Variants in FOXR1 observed in about 807,000 individuals in gnomAD.
FOXR1 encodes forkhead box R1.
A neutral mutation model predicts 34.5 loss-of-function variants in FOXR1; 25 were observed. The ratio of observed to expected loss-of-function variants is 0.72; its 90% CI spans 0.53 to 1.01. The LOEUF is 1.01. Ranked by LOEUF, FOXR1 falls within the 50% of genes least tolerant of loss-of-function variation. FOXR1 has a pLI of 0.00. For synonymous variants in FOXR1, 153 were observed against 141.6 expected, an observed-to-expected ratio of 1.08 and a Z score of -0.57; for missense variants, 373 against 376.2, an observed-to-expected ratio of 0.99 and a Z score of 0.07.
At chr11:118,976,302 C>T (rs535307512) in intron 1 of FOXR1, among the ~76,000 whole-genome samples, 1 of 152,374 alleles carries the variant, frequency 6.6e-6, no homozygotes, top group East Asian at 1.9e-4. Context: ...TCAAGCCATC[C>T]TCCCACTTCA....
At chr11:118,974,683 G>A (rs775677819) in intron 1 of FOXR1, among the ~76,000 whole-genome samples, 4 of 152,206 alleles carry the variant, frequency 2.6e-5, no homozygotes, top group Non-Finnish European at 5.9e-5. Flanking sequence ...CTGTTGTGTT[G>A]AGAGTAGACT....
chr11:118,973,770 TG>T (rs1941745470), intron 1 of FOXR1, among the ~76,000 whole-genome samples: 1 of 147,286 alleles, frequency 6.8e-6, no homozygotes, highest in Non-Finnish European at 1.5e-5. Flanking sequence ...CTCAGTTCAC[TG>T]CACCCTCTGC....
chr11:118,979,579 C>G lies in FOXR1; in HGVS notation c.522C>G (p.Pro174=). 6.2e-7 allele frequency: 1 copy of G among 1,612,912 alleles called. No homozygotes were observed. The highest frequency in any genetic ancestry group is 8.5e-7 in the Non-Finnish European group (1 of 1,179,492). Residue 174 remains proline (P), a synonymous_variant, in exon 4 of 6, where the codon CCC becomes CCG. Transcript: ENST00000317011. ...SSQAGRLWSR[P]PLNYFHLIAL... is the part of the protein sequence containing the mutation. ...AGGCGGGGAGGCTCTGGTCCCGGCC[C>G]CCTCTCAATTACTTCCACCTAATTG... is the stretch of plus-strand genomic sequence containing the variant.
chr11:118,979,477 C>T lies in FOXR1; in HGVS notation c.420C>T (p.Asp140=), dbSNP rs1565647081. The T allele has an allele frequency of 1.2e-6, 2 of 1,611,682 alleles. No individual in the cohort carries two copies. Among genetic ancestry groups the T allele is most frequent in the Admixed American group, 1.7e-5 (1 of 59,712 alleles). The part of the protein sequence containing the change: ...TEEEEAEDQE[D]SSSMALPSPH... ...AGGAGGAGGCTGAGGACCAGGAAGA[C>T]AGCTCCTCTATGGCTCTCCCATCCC... is the stretch of plus-strand genomic sequence containing the variant. The change falls in exon 4 of 6, where the codon GAC becomes GAT. Residue 140 remains aspartate (D), a synonymous_variant. Coordinates refer to ENST00000317011, the MANE Select transcript of FOXR1 (RefSeq NM_181721.3).
At chr11:118,976,914 C>T (rs938551940) in intron 1 of FOXR1, among the ~76,000 whole-genome samples, 8 of 151,992 alleles carry the variant, frequency 5.3e-5, no homozygotes, top group African/African-American at 1.7e-4. Flanking sequence ...TTGTGTTGAC[C>T]TTTTACATAT....
intron 5 of FOXR1, 66 bp from the exon 6 acceptor site, chr11:118,981,142 G>A: frequency 6.6e-7 from 1 of 1,507,674 alleles, no homozygotes; most frequent in Non-Finnish European, 9.2e-7. Flanking sequence ...CTATGAGAGA[G>A]CATCCCAGGC....
chr11:118,979,332 G>A, intron 3 of FOXR1, 110 bp from the exon 4 acceptor site: 2 of 1,492,788 alleles, frequency 1.3e-6, no homozygotes, highest in South Asian at 2.8e-5. Flanking sequence ...TACATGCTTG[G>A]GTTGGGGAGA....
At chr11:118,979,373 C>A (rs1215697612) in intron 3 of FOXR1, 69 bp from the exon 4 acceptor site, 4 of 1,487,888 alleles carry the variant, frequency 2.7e-6, no homozygotes, top group African/African-American at 1.4e-5. Context: ...ACCACCCCCC[C>A]TTCCTGCCAC....
At chr11:118,979,922 C>T (rs568817255) in intron 4 of FOXR1, among the ~76,000 whole-genome samples, 2 of 151,926 alleles carry the variant, frequency 1.3e-5, no homozygotes, top group Non-Finnish European at 2.9e-5. Flanking sequence ...TTAAAACATA[C>T]ATTCACTTGG....
intron 1 of FOXR1, among the ~76,000 whole-genome samples, chr11:118,976,179 G>A (rs918783922): frequency 1.3e-5 from 2 of 151,578 alleles, no homozygotes; most frequent in African/African-American, 4.8e-5. Context: ...CTGGAGAAGA[G>A]TTCAATAAAT....
intron 1 of FOXR1, among the ~76,000 whole-genome samples, chr11:118,972,710 C>T (rs1941729186): frequency 1.3e-5 from 2 of 151,986 alleles, no homozygotes; most frequent in South Asian, 4.1e-4. Flanking sequence ...GCAACCTCCG[C>T]CTCCCGGGTT....
rs201368886 is a variant in FOXR1, at chr11:118,980,747, C to A, written c.850+19C>A. ...CAGCCAGGTGTGAAGACTTGTTGTGCGTGGGCCCAAGGGGAAGAGACCTGA... is the reference window on the plus strand; with the variant it reads ...CAGCCAGGTGTGAAGACTTGTTGTGAGTGGGCCCAAGGGGAAGAGACCTGA... On this transcript the variant is annotated intron_variant, in intron 5 of 5. Transcript: ENST00000317011. The A allele has an allele frequency of 1.2e-6, 2 of 1,600,480 alleles. No individual in the cohort carries two copies. The highest frequency in any genetic ancestry group is 1.7e-6 in the Non-Finnish European group (2 of 1,174,324).
At chr11:118,976,504 C>G (rs2134482546) in intron 1 of FOXR1, among the ~76,000 whole-genome samples, 1 of 152,298 alleles carries the variant, frequency 6.6e-6, no homozygotes, top group South Asian at 2.1e-4. Context: ...ACCTGGCCAG[C>G]AGCCAAGATT....
chr11:118,976,393 G>T (rs974390648), intron 1 of FOXR1, among the ~76,000 whole-genome samples: 2 of 152,140 alleles, frequency 1.3e-5, no homozygotes, highest in South Asian at 4.1e-4. Context: ...ATAGAGATGG[G>T]GTTTCACCAT....
At position 118,980,585 on chromosome 11, in the gene FOXR1, T is replaced by TCAGCATGCAGGGCGGGGC. The variant is rs781984023; in HGVS notation, c.713_730dup (p.Met238_Ser243dup). The TCAGCATGCAGGGCGGGGC allele has an allele frequency of 6.2e-7, 1 of 1,614,244 alleles. No individual in the cohort carries two copies. The highest frequency in any genetic ancestry group is 1.7e-5 in the Admixed American group (1 of 60,022). On this transcript the variant is annotated inframe_insertion, in exon 5 of 6. Coordinates refer to ENST00000317011, the MANE Select transcript of FOXR1 (RefSeq NM_181721.3). ...CGAGACAGCTTTGAGAAAGTGCCTG[T>TCAGCATGCAGGGCGGGGC]CAGCATGCAGGGCGGGGCCAGCACA...
At chr11:118,976,217 G>C (rs61902068) in intron 1 of FOXR1, among the ~76,000 whole-genome samples, 68,151 of 152,014 alleles carry the variant, frequency 0.45, 15,842 homozygotes, top group Admixed American at 0.57. Flanking sequence ...TGTTTTTGAA[G>C]CAAGGTCTGG....
At position 118,974,348 on chromosome 11, in the gene FOXR1, G is replaced by T. The variant is rs377582677; in HGVS notation, c.61+2356G>T. 2.8e-4 allele frequency among the ~76,000 whole-genome samples: 43 copies of T among 152,312 alleles called. 1 individual carries two copies. The East Asian group carries it at 6.0e-3, about 21-fold the overall frequency. On this transcript the variant is annotated intron_variant, in intron 1 of 5. Coordinates refer to ENST00000317011, the MANE Select transcript of FOXR1 (RefSeq NM_181721.3). ...GTCCCCAAAGTAGCTGCAACCACAG[G>T]CACAGGCCACCACACTGGCTAACTT...
At chr11:118,978,919 C>T in intron 2 of FOXR1, 38 bp from the exon 3 acceptor site, 1 of 1,613,820 alleles carries the variant, frequency 6.2e-7, no homozygotes, top group African/African-American at 1.3e-5. Context: ...GCACCCAAAG[C>T]CAGTGGGCTG....
chr11:118,973,641 C>T (rs1003589155), intron 1 of FOXR1, among the ~76,000 whole-genome samples: 3 of 151,406 alleles, frequency 2.0e-5, no homozygotes, highest in South Asian at 2.1e-4. Flanking sequence ...CATGATCCGC[C>T]GTCTCAGCCT....
Sources: gnomAD v4.1 joint callset for allele counts (sites outside exome capture counted in the v4.1 genomes callset) on GRCh38, gnomAD v4.1.1 for gene constraint, MANE v1.5 for transcripts, NCBI Gene and HGNC (gene_info 2026-07-23, HGNC 2026-07-21) for gene names.